The following CCDC57 variants were observed in gnomAD, a reference collection of about 807,000 sequenced individuals.
CCDC57 encodes the protein coiled-coil domain-containing protein 57.
Under a neutral mutation model 118.9 loss-of-function variants are expected in CCDC57, and 118 were observed. That is an observed-to-expected ratio of 0.99 (90% CI 0.86 to 1.16). The LOEUF (loss-of-function observed/expected upper bound fraction) is 1.16, where lower values mean the gene tolerates loss of function less well. CCDC57 is among the 50% of genes most tolerant of loss of function. The pLI is 0.00. For synonymous variants in CCDC57, 527 were observed against 532.9 expected, an observed-to-expected ratio of 0.99 and a Z score of 0.15; for missense variants, 1,300 against 1,320.7, an observed-to-expected ratio of 0.98 and a Z score of 0.24.
chr17:82,205,464 A>G (rs1238502871), intron 2 of CCDC57, among the ~76,000 whole-genome samples: 3 of 152,192 alleles, frequency 2.0e-5, no homozygotes, highest in Non-Finnish European at 4.4e-5. Flanking sequence ...TCCTTGGCAC[A>G]GCGTATGAAG....
chr17:82,178,884 C>T (rs2045858980), intron 10 of CCDC57, 143 bp downstream of exon 9: 3 of 1,005,292 alleles, frequency 3.0e-6, no homozygotes, highest in South Asian at 1.7e-5. Context: ...ATTTTTATTA[C>T]TCTAATTTAT....
In CCDC57 at chr17:82,176,131, G is replaced by A. The variant is rs146081447; in HGVS notation, c.1506+2343C>T. Among the ~76,000 whole-genome samples, 41 of 152,308 alleles carry A rather than the reference G, an allele frequency of 2.7e-4. No individual in the cohort carries two copies. In the East Asian group the frequency reaches 7.1e-3, roughly 27 times the overall value. ...TGACCTTTGGAACACCAAGCTCTGTGCCAATGGGTGGAAGGCTGCCCTGCC... is the reference window on the plus strand; with the variant it reads ...TGACCTTTGGAACACCAAGCTCTGTACCAATGGGTGGAAGGCTGCCCTGCC... On this transcript the variant is annotated intron_variant, in intron 11 of 19. Coordinates refer to ENST00000665763, the Ensembl canonical transcript of CCDC57.
At chr17:82,202,436 T>C (rs1455969598) in intron 2 of CCDC57, among the ~76,000 whole-genome samples, 1 of 136,564 alleles carries the variant, frequency 7.3e-6, no homozygotes, top group Non-Finnish European at 1.6e-5. Context: ...AGAGCAAGAC[T>C]CTCTCTCAAA....
In CCDC57 at chr17:82,212,109, G is replaced by A. The variant is rs2147072880; in HGVS notation, c.-211+676C>T. ...CAGCTCTAGCAGTCTGTCAGTCGCT[G>A]GCAATACAGGACTCCTGAGTAGTCT... On this transcript the variant is annotated intron_variant, in intron 1 of 19. Coordinates refer to ENST00000665763, the Ensembl canonical transcript of CCDC57. The surrounding 1 kb of genome is among the most constrained non-coding windows in gnomAD (Gnocchi z 4.1). Among the ~76,000 whole-genome samples the A allele has an allele frequency of 6.6e-6, 1 of 152,312 alleles. No homozygotes were observed. Among genetic ancestry groups the A allele is most frequent in the South Asian group, 2.1e-4 (1 of 4,826 alleles).
intron 19 of CCDC57, among the ~76,000 whole-genome samples, chr17:82,104,432 C>T (rs926500610): frequency 6.6e-6 from 1 of 150,856 alleles, no homozygotes; most frequent in African/African-American, 2.5e-5. Flanking sequence ...CCTGCTTGCC[C>T]CTCCCAGGCT....
intron 13 of CCDC57, among the ~76,000 whole-genome samples, chr17:82,164,313 G>A (rs937400779): frequency 9.2e-5 from 14 of 151,998 alleles, no homozygotes; most frequent in Admixed American, 5.9e-4. Flanking sequence ...CTCGGGAGGC[G>A]GAGGTGGCAG....
At chr17:82,198,776 G>GTCAGGAGAT (rs2048605806) in intron 3 of CCDC57, among the ~76,000 whole-genome samples, 1 of 152,006 alleles carries the variant, frequency 6.6e-6, no homozygotes, top group South Asian at 2.1e-4. Context: ...GGATCACAAG[G>GTCAGGAGAT]TCAGGAGATC....
intron 18 of CCDC57, 100 bp from the exon 18 acceptor site, chr17:82,128,008 G>T: frequency 6.7e-7 from 1 of 1,499,904 alleles, no homozygotes; most frequent in East Asian, 2.4e-5. Flanking sequence ...AGGCGACAGT[G>T]GGCCTGGCTT....
At chr17:82,158,483 C>T (rs771155548) in intron 14 of CCDC57, among the ~76,000 whole-genome samples, 4 of 151,758 alleles carry the variant, frequency 2.6e-5, no homozygotes, top group Non-Finnish European at 4.4e-5. Context: ...GTCAGGAGAT[C>T]GAGACCATCC....
chr17:82,157,541 G>T, intron 15 of CCDC57: 8 of 1,428,214 alleles, frequency 5.6e-6, no homozygotes, highest in Non-Finnish European at 7.3e-6. Flanking sequence ...GAAGGACCAG[G>T]AGAAGAGGAG....
At chr17:82,135,352 T>G (rs1229116818) in intron 16 of CCDC57, 1 of 152,240 alleles carries the variant, frequency 6.6e-6, no homozygotes, top group African/African-American at 2.4e-5. Flanking sequence ...TCTGCCCGCC[T>G]TGGCCTCCCA....
intron 19 of CCDC57, among the ~76,000 whole-genome samples, chr17:82,104,064 G>A (rs1042651025): frequency 1.3e-5 from 2 of 152,210 alleles, no homozygotes; most frequent in Non-Finnish European, 2.9e-5. Flanking sequence ...GTGTCAAGGC[G>A]GCTGCCCCAG....
chr17:82,155,538 T>C (rs3935128), intron 15 of CCDC57: 71,211 of 152,212 alleles, frequency 0.47, 17,482 homozygotes, highest in East Asian at 0.88. Context: ...ACCATGGAAC[T>C]AGCGCCTGGA....
chr17:82,140,663 T>C (rs988512267), intron 16 of CCDC57, among the ~76,000 whole-genome samples: 1 of 152,360 alleles, frequency 6.6e-6, no homozygotes, highest in Admixed American at 6.5e-5. Context: ...AAATACTTCT[T>C]GTGTAACCAA....
intron 16 of CCDC57, chr17:82,145,711 C>A: frequency 2.7e-6 from 1 of 371,930 alleles, no homozygotes; most frequent in Admixed American, 3.6e-5. Context: ...GGCCTGCAGG[C>A]AGGGTCCCAC....
chr17:82,188,528 T>G, intron 7 of CCDC57, 109 bp from the exon 7 acceptor site: 1 of 1,156,252 alleles, frequency 8.6e-7, no homozygotes, highest in Non-Finnish European at 1.2e-6. Context: ...TGCTGCTGTA[T>G]GTCTGCCTCA....
intron 19 of CCDC57, chr17:82,104,767 C>T (rs1391572349): frequency 1.3e-5 from 2 of 152,266 alleles, no homozygotes; most frequent in Non-Finnish European, 2.9e-5. Context: ...TCTCGATCTC[C>T]TGACCTCGTG....
chr17:82,105,076 CT>C (rs1433421331), intron 19 of CCDC57: 1 of 152,404 alleles, frequency 6.6e-6, no homozygotes. Flanking sequence ...TCCGGGCTCT[CT>C]GGGTGCCCCT....
In CCDC57 at chr17:82,168,402, CT is replaced by C. The variant is rs1467272938; in HGVS notation, c.1882+3298del. ...CTGAGGCCAGAAGTTCGAGACCAGC[CT>C]GGCCAACATGGTGAAACCCTGTCTC... On this transcript the variant is annotated intron_variant, in intron 13 of 19. Coordinates refer to ENST00000665763, the Ensembl canonical transcript of CCDC57. Among the ~76,000 whole-genome samples, 10 of 152,196 alleles carry C rather than the reference CT, an allele frequency of 6.6e-5. No individual in the cohort carries two copies. The East Asian group carries it at 1.9e-3, about 29-fold the overall frequency.
Sources: gnomAD v4.1 joint callset for allele counts (sites outside exome capture counted in the v4.1 genomes callset) on GRCh38, gnomAD v4.1.1 for gene constraint, Gnocchi (gnomAD v3.1) non-coding constraint, MANE v1.5 for transcripts, NCBI Gene and HGNC (gene_info 2026-07-23, HGNC 2026-07-21) for gene names.